The following NDUFS4 variants were observed in gnomAD, a reference collection of about 807,000 sequenced individuals.
NDUFS4 encodes the protein NADH dehydrogenase [ubiquinone] iron-sulfur protein 4, mitochondrial.
A neutral mutation model predicts 24.3 loss-of-function variants in NDUFS4; 28 were observed. That is an observed-to-expected ratio of 1.15 (90% CI 0.85 to 1.58). The LOEUF is 1.58. NDUFS4 is among the 40% of genes most tolerant of loss of function. NDUFS4 has a pLI of 0.00. For missense variants in NDUFS4, 223 were observed against 207.9 expected (o/e 1.07, Z -0.45); for synonymous variants, 93 against 69.7 (o/e 1.34, Z -1.67).
At chr5:53,664,841 C>T (rs934569282) in intron 4 of NDUFS4, among the ~76,000 whole-genome samples, 1 of 152,202 alleles carries the variant, frequency 6.6e-6, no homozygotes, top group Non-Finnish European at 1.5e-5. Context: ...CAAAGTCATT[C>T]TCCATCCAGC....
intron 2 of NDUFS4, among the ~76,000 whole-genome samples, chr5:53,621,230 C>T (rs1448870439): frequency 2.6e-5 from 4 of 151,976 alleles, no homozygotes; most frequent in African/African-American, 7.2e-5. Flanking sequence ...TTTCTGAAGT[C>T]GAATTTGATA....
intron 3 of NDUFS4, among the ~76,000 whole-genome samples, chr5:53,658,161 T>A (rs1752218321): frequency 6.6e-6 from 1 of 152,152 alleles, no homozygotes; most frequent in African/African-American, 2.4e-5. Flanking sequence ...AAAAAGAATG[T>A]GTATTGTTGC....
At chr5:53,657,506 T>C (rs973324273) in intron 3 of NDUFS4, among the ~76,000 whole-genome samples, 2 of 152,222 alleles carry the variant, frequency 1.3e-5, no homozygotes, top group Non-Finnish European at 2.9e-5. Context: ...CCAAATTACC[T>C]TTTGAATCCT....
At chr5:53,665,741 AG>A (rs1752494407) in intron 4 of NDUFS4, among the ~76,000 whole-genome samples, 1 of 152,178 alleles carries the variant, frequency 6.6e-6, no homozygotes, top group South Asian at 2.1e-4. Context: ...TTCTTTGACT[AG>A]GAAAGGGAAT....
chr5:53,668,934 G>T (rs1290620719), intron 4 of NDUFS4, among the ~76,000 whole-genome samples: 3 of 152,088 alleles, frequency 2.0e-5, no homozygotes, highest in African/African-American at 7.2e-5. Context: ...AATTGTTCAA[G>T]GCAACTGAGG....
At chr5:53,638,527 A>G (rs557748864) in intron 2 of NDUFS4, among the ~76,000 whole-genome samples, 1 of 152,190 alleles carries the variant, frequency 6.6e-6, no homozygotes, top group Non-Finnish European at 1.5e-5. Context: ...GAGGGGAACA[A>G]CAGACACTGG....
intron 1 of NDUFS4, among the ~76,000 whole-genome samples, chr5:53,588,791 A>C (rs960467095): frequency 1.3e-5 from 2 of 152,094 alleles, no homozygotes; most frequent in African/African-American, 4.8e-5. Flanking sequence ...ATGAAATATC[A>C]TGTCTTATAT....
At chr5:53,620,745 C>T (rs943873267) in intron 2 of NDUFS4, among the ~76,000 whole-genome samples, 5 of 152,148 alleles carry the variant, frequency 3.3e-5, no homozygotes, top group African/African-American at 9.7e-5. Context: ...ATCTACAGTA[C>T]TTCATCATTT....
At chr5:53,634,782 TATA>T (rs1245139730) in intron 2 of NDUFS4, among the ~76,000 whole-genome samples, 2 of 152,086 alleles carry the variant, frequency 1.3e-5, no homozygotes, top group African/African-American at 4.8e-5. Context: ...AAGGTAATGT[TATA>T]TAAGTTCCAG....
chr5:53,646,169 C>A lies in NDUFS4; in HGVS notation c.178-64C>A, dbSNP rs568858035. On this transcript the variant is annotated intron_variant, in intron 2 of 4. Transcript: ENST00000296684. ...AGAGTTGCATGAATATAGGAAACAA[C>A]AAAAGTACATTAGTGTGTATGTAGG... 6.7e-6 allele frequency: 9 copies of A among 1,339,996 alleles called. 1 individual carries two copies. In the South Asian group the frequency reaches 1.1e-4, roughly 17 times the overall value. 83.0% of individuals were successfully genotyped at this position (1,339,996 alleles called of 1,614,324 possible).
intron 3 of NDUFS4, among the ~76,000 whole-genome samples, chr5:53,649,619 G>A (rs902939355): frequency 6.6e-6 from 1 of 152,112 alleles, no homozygotes; most frequent in Non-Finnish European, 1.5e-5. Context: ...TGGACACTTA[G>A]GTTGATTCCT....
intron 4 of NDUFS4, among the ~76,000 whole-genome samples, chr5:53,668,013 A>T (rs1579938234): frequency 6.6e-6 from 1 of 152,222 alleles, no homozygotes; most frequent in East Asian, 1.9e-4. Context: ...TTCTGTGTTA[A>T]TAGTAAAATA....
chr5:53,641,649 A>C (rs1751707420), intron 2 of NDUFS4, among the ~76,000 whole-genome samples: 2 of 152,262 alleles, frequency 1.3e-5, no homozygotes, highest in East Asian at 3.9e-4. Flanking sequence ...AGAAGTGTTT[A>C]AGTTCTTCCA....
Position 53,569,900 on chromosome 5 carries a change from A to G in NDUFS4, c.98+9140A>G, listed in dbSNP as rs904665412. On this transcript the variant is annotated intron_variant, in intron 1 of 4. Transcript: ENST00000296684. ...AACTATGTACTGTACTTTTATTTAA[A>G]TGAGATTATCAGAGATGATAGTTTC... 7.8e-4 allele frequency among the ~76,000 whole-genome samples: 119 copies of G among 152,268 alleles called. 1 individual carries two copies. Among genetic ancestry groups the G allele is most frequent in the Non-Finnish European group, 6.2e-4 (42 of 68,008 alleles).
chr5:53,592,923 C>A (rs946780913), intron 1 of NDUFS4, among the ~76,000 whole-genome samples: 23 of 152,116 alleles, frequency 1.5e-4, no homozygotes, highest in African/African-American at 5.6e-4. Context: ...GTATATAAAT[C>A]TTTTCATGCA....
chr5:53,642,032 A>G (rs1033531291), intron 2 of NDUFS4, among the ~76,000 whole-genome samples: 1 of 152,180 alleles, frequency 6.6e-6, no homozygotes, highest in Non-Finnish European at 1.5e-5. Context: ...TAGGAAAAGC[A>G]TGATAAAAGT....
chr5:53,640,269 T>G (rs1290892990), intron 2 of NDUFS4, among the ~76,000 whole-genome samples: 1 of 151,966 alleles, frequency 6.6e-6, no homozygotes, highest in Non-Finnish European at 1.5e-5. Flanking sequence ...TCAAAGTTAC[T>G]TTATGGAATA....
intron 4 of NDUFS4, among the ~76,000 whole-genome samples, chr5:53,666,723 G>A (rs917299263): frequency 7.2e-5 from 11 of 152,102 alleles, no homozygotes; most frequent in African/African-American, 2.4e-4. Context: ...ATCACTTGAG[G>A]TCAGGAGTTG....
intron 2 of NDUFS4, among the ~76,000 whole-genome samples, chr5:53,633,689 A>G (rs1751472685): frequency 6.6e-6 from 1 of 152,110 alleles, no homozygotes; most frequent in Admixed American, 6.5e-5. Flanking sequence ...TTGTTTTGGG[A>G]CCCTCAACCA....
Sources: gnomAD v4.1 joint callset for allele counts (sites outside exome capture counted in the v4.1 genomes callset) on GRCh38, gnomAD v4.1.1 for gene constraint, MANE v1.5 for transcripts, NCBI Gene and HGNC (gene_info 2026-07-23, HGNC 2026-07-21) for gene names.